Variants in KAT6B observed in about 807,000 individuals in gnomAD.
KAT6B encodes the protein histone acetyltransferase KAT6B.
In KAT6B, 10 loss-of-function variants were observed where a neutral mutation model predicts 187.5. That is an observed-to-expected ratio of 0.05 (90% CI 0.03 to 0.09). The LOEUF is 0.09. Ranked by LOEUF, KAT6B falls within the 10% of genes least tolerant of loss-of-function variation. KAT6B has a pLI of 1.00. For synonymous variants in KAT6B, 861 were observed against 926.8 expected (o/e 0.93, Z 1.29); for missense variants, 1,952 against 2,558.9 (o/e 0.76, Z 5.12).
Position 75,030,696 on chromosome 10 carries a change from A to G in KAT6B, c.5872A>G (p.Thr1958Ala). Residue 1958 changes from threonine (T) to alanine (A), a missense_variant, in exon 18 of 18, where the codon ACT becomes GCT. By Grantham distance (58) the Thr-to-Ala change is moderately conservative. Around this residue, in one of 9 missense-constraint regions of KAT6B, gnomAD observed 358 missense variants for 436.3 expected, o/e 0.82. Transcript: ENST00000287239. This position sits in a 1 kb window ranked among gnomAD's most constrained non-coding sequence, Gnocchi z 4.8. ...TGTAGCCATGCAGGGTCCTGCACGG[A>G]CTTTAACGATGCAAAGAGGCATGAA... Reference protein sequence around the residue: ...QTVAMQGPARTLTMQRGMNMS... With the variant: ...QTVAMQGPARALTMQRGMNMS... The G allele has an allele frequency of 1.2e-6, 2 of 1,614,212 alleles. No homozygotes were observed. Among genetic ancestry groups the G allele is most frequent in the Non-Finnish European group, 1.7e-6 (2 of 1,180,040 alleles).
chr10:74,993,015 C>T (rs964119275), intron 13 of KAT6B, among the ~76,000 whole-genome samples: 1 of 152,156 alleles, frequency 6.6e-6, no homozygotes, highest in East Asian at 1.9e-4. Flanking sequence ...AAAGTCTTCC[C>T]CATCTCTGTC....
intron 3 of KAT6B, among the ~76,000 whole-genome samples, chr10:74,894,634 C>A (rs1845861789): frequency 6.6e-6 from 1 of 152,174 alleles, no homozygotes; most frequent in South Asian, 2.1e-4. Flanking sequence ...AGTTTGATTA[C>A]TTTCGATAAC....
chr10:74,830,750 A>ATATATATATATATATATATG (rs1840723485), intron 1 of KAT6B, among the ~76,000 whole-genome samples: 10 of 20,724 alleles, frequency 4.8e-4, no homozygotes, highest in African/African-American at 1.8e-3. Context: ...ATATATATAT[A>ATATATATATATATATATATG]TATATATATA....
chr10:74,944,352 T>C (rs1849938653), intron 3 of KAT6B, among the ~76,000 whole-genome samples: 1 of 152,206 alleles, frequency 6.6e-6, no homozygotes, highest in Admixed American at 6.5e-5. Flanking sequence ...GAATACTGAT[T>C]TCCCATAGCA....
In KAT6B at chr10:74,910,381, A is replaced by G. The variant is rs192616718; in HGVS notation, c.622-49589A>G. ...TTTTCTGTGCCTTTTCAAAATCCCA[A>G]TACCCCCTCGTGGCATTTCCTATGT... On this transcript the variant is annotated intron_variant, in intron 3 of 17. Coordinates refer to ENST00000287239, the MANE Select transcript of KAT6B (RefSeq NM_012330.4). Among the ~76,000 whole-genome samples the G allele has an allele frequency of 7.6e-4, 116 of 152,272 alleles. No homozygotes were observed. In the East Asian group the frequency reaches 0.016, roughly 21 times the overall value.
chr10:74,868,190 G>C (rs1429177811), intron 3 of KAT6B, among the ~76,000 whole-genome samples: 2 of 152,032 alleles, frequency 1.3e-5, no homozygotes, highest in African/African-American at 4.8e-5. Flanking sequence ...ACAAATACTA[G>C]CTGCATAACT....
intron 4 of KAT6B, among the ~76,000 whole-genome samples, chr10:74,966,782 T>C (rs1459669218): frequency 1.3e-5 from 2 of 152,174 alleles, no homozygotes; most frequent in African/African-American, 2.4e-5. Context: ...GTCCCAGCAC[T>C]TTGGGAGGCC....
intron 3 of KAT6B, among the ~76,000 whole-genome samples, chr10:74,928,513 C>T (rs966838372): frequency 6.6e-6 from 1 of 152,008 alleles, no homozygotes; most frequent in African/African-American, 2.4e-5. Context: ...ATTTAGTGAA[C>T]TCCACTACTA....
chr10:74,846,658 C>T (rs1336042686), intron 3 of KAT6B, among the ~76,000 whole-genome samples: 3 of 152,120 alleles, frequency 2.0e-5, no homozygotes, highest in Admixed American at 6.5e-5. Flanking sequence ...AGGATGGCCT[C>T]AATCTCCTGA....
At chr10:74,941,771 A>G (rs1487410903) in intron 3 of KAT6B, among the ~76,000 whole-genome samples, 4 of 152,220 alleles carry the variant, frequency 2.6e-5, no homozygotes, top group Non-Finnish European at 4.4e-5. Flanking sequence ...AACAATACAA[A>G]TGTTAAATTC....
chr10:74,879,285 G>A (rs975353890), intron 3 of KAT6B, among the ~76,000 whole-genome samples: 4 of 152,138 alleles, frequency 2.6e-5, no homozygotes, highest in Non-Finnish European at 5.9e-5. Flanking sequence ...TTTCTGGGTT[G>A]TAGGACTTTG....
intron 3 of KAT6B, among the ~76,000 whole-genome samples, chr10:74,876,648 T>G (rs1844433114): frequency 6.6e-6 from 1 of 152,060 alleles, no homozygotes; most frequent in Non-Finnish European, 1.5e-5. Flanking sequence ...GTGTGGTGGC[T>G]CATGCCTGTA....
intron 13 of KAT6B, among the ~76,000 whole-genome samples, chr10:75,013,007 A>G (rs1047584210): frequency 1.3e-5 from 2 of 152,104 alleles, no homozygotes; most frequent in Non-Finnish European, 2.9e-5. Flanking sequence ...CCCAGAGAAG[A>G]GAGATCTAAG....
In KAT6B at chr10:75,031,132, C is replaced by T. The variant is rs1564634187; in HGVS notation, c.*86C>T. The T allele has an allele frequency of 6.8e-7, 1 of 1,478,108 alleles. No homozygotes were observed. The highest frequency in any genetic ancestry group is 9.3e-7 in the Non-Finnish European group (1 of 1,076,560). The allele number at this position is 1,478,108 out of a possible 1,614,324, so 91.6% of individuals were successfully genotyped here. A position where few individuals can be genotyped will look rare whatever the true frequency, so the allele number is the denominator to read the frequency against. ...CCTTTGAAGAGTACGATTTCAAAAC[C>T]AGCAATTGGTGTGAATGCAAAAACA... is the stretch of plus-strand genomic sequence containing the variant. On this transcript the variant is annotated 3_prime_UTR_variant, in exon 18 of 18. Transcript: ENST00000287239.
intron 12 of KAT6B, 34 bp downstream of exon 12, chr10:74,985,275 T>G (rs199524760): frequency 6.2e-7 from 1 of 1,610,744 alleles, no homozygotes; most frequent in East Asian, 2.2e-5. Flanking sequence ...TTCATTTTCT[T>G]TTTCAAAATG....
At chr10:74,939,247 C>T (rs942421225) in intron 3 of KAT6B, among the ~76,000 whole-genome samples, 1 of 152,072 alleles carries the variant, frequency 6.6e-6, no homozygotes, top group Admixed American at 6.6e-5. Context: ...AATGTAAAGG[C>T]TGTGAGGATG....
intron 13 of KAT6B, among the ~76,000 whole-genome samples, chr10:75,020,085 A>G (rs1166803380): frequency 6.6e-6 from 1 of 152,246 alleles, no homozygotes; most frequent in Non-Finnish European, 1.5e-5. Flanking sequence ...TGTAACAAGC[A>G]ATATAGACTC....
chr10:74,993,486 G>A lies in KAT6B; in HGVS notation c.2629+4374G>A, dbSNP rs528752859. Reference sequence around the variant, plus strand: ...TGCACCTTTACCCCTAAATATTGCAGTTTTTCTACAAAGATGCTCTCATAT... The same window carrying A: ...TGCACCTTTACCCCTAAATATTGCAATTTTTCTACAAAGATGCTCTCATAT... On this transcript the variant is annotated intron_variant, in intron 13 of 17. Transcript: ENST00000287239. Among the ~76,000 whole-genome samples the A allele has an allele frequency of 3.3e-5, 5 of 152,202 alleles. No homozygotes were observed. The East Asian group carries it at 7.7e-4, about 24-fold the overall frequency.
chr10:74,973,386 A>C (rs529279951), intron 7 of KAT6B, among the ~76,000 whole-genome samples: 13 of 152,194 alleles, frequency 8.5e-5, no homozygotes, highest in African/African-American at 3.1e-4. Flanking sequence ...AGATTTGACT[A>C]TCAGCATTAA....
Sources: allele counts gnomAD v4.1 joint callset (sites outside exome capture counted in the v4.1 genomes callset), GRCh38; gene constraint gnomAD v4.1.1; regional missense constraint gnomAD v4.1.1; non-coding constraint Gnocchi (gnomAD v3.1); transcripts MANE v1.5; gene names NCBI Gene and HGNC (gene_info 2026-07-23, HGNC 2026-07-21).